Variants in ANO1 observed in about 807,000 individuals in gnomAD.
ANO1 encodes the protein anoctamin-1.
A neutral mutation model predicts 124.0 loss-of-function variants in ANO1; 59 were observed. The observed-to-expected ratio is 0.48, with a 90% confidence interval of 0.39 to 0.59. The LOEUF (loss-of-function observed/expected upper bound fraction) is 0.59. Among genes scored for constraint, ANO1 ranks in the 20% least tolerant of loss-of-function variants. ANO1 has a pLI of 0.00. For missense variants in ANO1, 1,059 were observed against 1,328.0 expected (o/e 0.80, Z 3.15); for synonymous variants, 529 against 532.0 (o/e 0.99, Z 0.08).
upstream of ANO1, among the ~76,000 whole-genome samples, chr11:69,985,350 G>GA (rs1856016746): frequency 7.5e-6 from 1 of 133,652 alleles, no homozygotes; most frequent in East Asian, 2.7e-4. Context: ...GAGGGGAGGG[G>GA]GGTGGGCAGA....
In ANO1 at chr11:70,167,232, C is replaced by T. The variant is rs1384177381; in HGVS notation, c.2052-10C>T. ...CTGCAAACCTAACTGCATGATGTCTCATCTCTCAGGAAGATGAAGAAGCTC... is the reference window on the plus strand; with the variant it reads ...CTGCAAACCTAACTGCATGATGTCTTATCTCTCAGGAAGATGAAGAAGCTC... On this transcript the variant is annotated splice_polypyrimidine_tract_variant and intron_variant, in intron 20 of 25. Transcript: ENST00000355303. 4 of 1,613,664 alleles carry T rather than the reference C, an allele frequency of 2.5e-6. No homozygotes were observed. The highest frequency in any genetic ancestry group is 2.5e-6 in the Non-Finnish European group (3 of 1,179,798).
At chr11:70,051,292 T>C (rs1471909634) in intron 1 of ANO1, among the ~76,000 whole-genome samples, 2 of 152,220 alleles carry the variant, frequency 1.3e-5, no homozygotes, top group African/African-American at 2.4e-5. Context: ...CATAGTTACA[T>C]GTAGAAGTCC....
chr11:70,103,557 G>T (rs1283046101), intron 3 of ANO1, among the ~76,000 whole-genome samples: 1 of 152,098 alleles, frequency 6.6e-6, no homozygotes, highest in East Asian at 1.9e-4. Flanking sequence ...ACATTTTCTG[G>T]CTTACGGGGA....
At chr11:70,034,122 C>G (rs1422831874) in intron 1 of ANO1, among the ~76,000 whole-genome samples, 5 of 152,122 alleles carry the variant, frequency 3.3e-5, no homozygotes, top group Admixed American at 3.3e-4. Flanking sequence ...GGAGCCCCAC[C>G]CATTACGTAG....
chr11:69,970,646 C>T, the ANO1 span, among the ~76,000 whole-genome samples: 834 of 152,232 alleles, frequency 5.5e-3, 1 homozygote, highest in South Asian at 8.3e-3. Flanking sequence ...AATGTGGCCT[C>T]GCAGGGAGTG....
the ANO1 span, among the ~76,000 whole-genome samples, chr11:69,980,058 T>A: frequency 6.6e-6 from 1 of 152,190 alleles, no homozygotes; most frequent in Admixed American, 6.5e-5. Context: ...GTAGTGATAT[T>A]GGGTTCTTTA....
At chr11:70,008,105 A>T (rs1856526402) in intron 1 of ANO1, among the ~76,000 whole-genome samples, 1 of 138,492 alleles carries the variant, frequency 7.2e-6, no homozygotes, top group Non-Finnish European at 1.5e-5. Context: ...AAATCAGAGT[A>T]TTTGATTTTG....
chr11:70,146,628 T>C (rs1416801737), intron 11 of ANO1, among the ~76,000 whole-genome samples: 1 of 152,092 alleles, frequency 6.6e-6, no homozygotes, highest in East Asian at 1.9e-4. Flanking sequence ...AGCCCCACAA[T>C]AGGCTGTCTG....
At position 70,158,901 on chromosome 11, in the gene ANO1, C is replaced by T. The variant is rs565120602; in HGVS notation, c.1578+1880C>T. ...CTCGGTGACTTGGTGGGAGGGCACC[C>T]GGCCTCGTGCTGAGGGGATGTGTCC... On this transcript the variant is annotated intron_variant, in intron 16 of 25. Transcript: ENST00000355303. 5.3e-5 allele frequency among the ~76,000 whole-genome samples: 8 copies of T among 152,116 alleles called. No individual in the cohort carries two copies. The South Asian group carries it at 1.5e-3, about 28-fold the overall frequency.
intron 1 of ANO1, among the ~76,000 whole-genome samples, chr11:70,080,990 C>G (rs1255594314): frequency 6.6e-6 from 1 of 152,236 alleles, no homozygotes; most frequent in Non-Finnish European, 1.5e-5. Flanking sequence ...GCTCTGTACA[C>G]ACGAGGGCCA....
intron 1 of ANO1, among the ~76,000 whole-genome samples, chr11:70,084,362 C>T (rs574455341): frequency 4.6e-5 from 7 of 152,282 alleles, no homozygotes; most frequent in East Asian, 3.9e-4. Flanking sequence ...GAGGGGAAAG[C>T]GTATCTGCCA....
At chr11:70,042,137 C>A (rs1476253667) in intron 1 of ANO1, among the ~76,000 whole-genome samples, 2 of 152,092 alleles carry the variant, frequency 1.3e-5, no homozygotes. Context: ...CAATTCTGAC[C>A]ATAATGTAGT....
At chr11:70,072,194 G>A (rs1048358967) in intron 1 of ANO1, among the ~76,000 whole-genome samples, 2 of 152,122 alleles carry the variant, frequency 1.3e-5, no homozygotes, top group African/African-American at 2.4e-5. Flanking sequence ...TCCACTGCTG[G>A]TGATGCTCCT....
chr11:70,169,160 G>C (rs2048363134), intron 21 of ANO1, among the ~76,000 whole-genome samples: 1 of 152,166 alleles, frequency 6.6e-6, no homozygotes, highest in Non-Finnish European at 1.5e-5. Context: ...TGGGCCGCGA[G>C]AGTGGCAGCC....
chr11:70,102,468 A>C (rs1331901000), intron 2 of ANO1, among the ~76,000 whole-genome samples: 1 of 151,846 alleles, frequency 6.6e-6, no homozygotes, highest in Non-Finnish European at 1.5e-5. Context: ...CTGGACTTGA[A>C]CTCGGGCCTG....
At chr11:70,016,036 C>CT (rs1481855507) in intron 1 of ANO1, among the ~76,000 whole-genome samples, 6 of 137,842 alleles carry the variant, frequency 4.4e-5, no homozygotes, top group African/African-American at 1.3e-4. Context: ...TTTTTTTTTT[C>CT]TTTTTTTTTG....
At chr11:70,006,207 T>A (rs1173084122) in intron 1 of ANO1, among the ~76,000 whole-genome samples, 1 of 152,202 alleles carries the variant, frequency 6.6e-6, no homozygotes, top group Non-Finnish European at 1.5e-5. Context: ...TGTTGTCCAG[T>A]GAGCAGGAAC....
At chr11:69,989,618 C>T (rs1432679142) in intron 1 of ANO1, among the ~76,000 whole-genome samples, 2 of 152,100 alleles carry the variant, frequency 1.3e-5, no homozygotes, top group African/African-American at 4.8e-5. Context: ...CCACCACCTG[C>T]TACTGCAGTA....
chr11:69,977,908 G>A, the ANO1 span, among the ~76,000 whole-genome samples: 4 of 152,214 alleles, frequency 2.6e-5, no homozygotes, highest in Non-Finnish European at 5.9e-5. Flanking sequence ...CCAAAGCGGG[G>A]TTTTGTGAAT....
Sources: allele counts gnomAD v4.1 joint callset (sites outside exome capture counted in the v4.1 genomes callset), GRCh38; gene constraint gnomAD v4.1.1; transcripts MANE v1.5; gene names NCBI Gene and HGNC (gene_info 2026-07-23, HGNC 2026-07-21).